DLG2: variants seen among roughly 807,000 people sequenced by gnomAD.
The protein encoded by DLG2 is discs large MAGUK scaffold protein 2.
Under a neutral mutation model 132.5 loss-of-function variants are expected in DLG2, and 45 were observed. The observed-to-expected ratio is 0.34, with a 90% CI of 0.27 to 0.44. The LOEUF (loss-of-function observed/expected upper bound fraction) is 0.44, where lower values mean the gene tolerates loss of function less well. Among genes scored for constraint, DLG2 ranks in the 20% least tolerant of loss-of-function variants. DLG2 has a pLI of 1.00. For missense variants in DLG2, 1,045 were observed against 1,196.9 expected (o/e 0.87, Z 1.87); for synonymous variants, 424 against 419.6 (o/e 1.01, Z -0.13).
chr11:83,993,048 T>C (rs12794134), intron 11 of DLG2, among the ~76,000 whole-genome samples: 3,369 of 152,262 alleles, frequency 0.022, 66 homozygotes, highest in Middle Eastern at 0.034. Flanking sequence ...CTAGGTTTTT[T>C]TCCTCCAGTA....
chr11:85,176,935 G>A (rs1313327347), intron 4 of DLG2, among the ~76,000 whole-genome samples: 2 of 151,898 alleles, frequency 1.3e-5, no homozygotes, highest in East Asian at 1.9e-4. Flanking sequence ...TCAGAATGGC[G>A]ATTATTAAAG....
chr11:85,276,806 G>T (rs1258925368), intron 4 of DLG2, among the ~76,000 whole-genome samples: 2 of 152,002 alleles, frequency 1.3e-5, no homozygotes, highest in African/African-American at 4.8e-5. Flanking sequence ...AATACTTACT[G>T]CCTAAAAAGC....
At chr11:84,895,405 A>C (rs2090056238) in intron 6 of DLG2, among the ~76,000 whole-genome samples, 1 of 152,178 alleles carries the variant, frequency 6.6e-6, no homozygotes, top group Non-Finnish European at 1.5e-5. Flanking sequence ...AAAGACCAAA[A>C]AGACCAACGC....
intron 7 of DLG2, among the ~76,000 whole-genome samples, chr11:84,517,224 G>A (rs1055300234): frequency 6.6e-6 from 1 of 151,310 alleles, no homozygotes; most frequent in African/African-American, 2.4e-5. Flanking sequence ...CTACATGAAT[G>A]AGAGAAAATA....
At chr11:84,115,330 G>A (rs959086299) in intron 9 of DLG2, among the ~76,000 whole-genome samples, 2 of 151,098 alleles carry the variant, frequency 1.3e-5, no homozygotes, top group Non-Finnish European at 3.0e-5. Flanking sequence ...TTTTCTGGAA[G>A]CAAGTGAGTT....
intron 6 of DLG2, among the ~76,000 whole-genome samples, chr11:84,654,426 T>A (rs1250027437): frequency 6.6e-6 from 1 of 152,178 alleles, no homozygotes; most frequent in African/African-American, 2.4e-5. Flanking sequence ...AGGGACTATT[T>A]TTCACCTGCT....
At chr11:83,812,788 G>A (rs181694028) in intron 17 of DLG2, among the ~76,000 whole-genome samples, 1 of 152,298 alleles carries the variant, frequency 6.6e-6, no homozygotes, top group East Asian at 1.9e-4. Context: ...AGAGTGTGAG[G>A]AGGGACCAGA....
intron 3 of DLG2, among the ~76,000 whole-genome samples, chr11:85,524,346 A>G: frequency 6.6e-6 from 1 of 152,196 alleles, no homozygotes. Context: ...GTATCAAAAT[A>G]TCTCACATAT....
chr11:85,305,763 T>C (rs545067076), intron 3 of DLG2, among the ~76,000 whole-genome samples: 19 of 152,336 alleles, frequency 1.2e-4, no homozygotes, highest in Admixed American at 3.3e-4. Context: ...TCCGCCCGCC[T>C]CGGCTTCCCA....
rs1313075881 is a variant in DLG2, at chr11:83,753,837, T to TATC, written c.1825+32852_1825+32853insGAT. Reference sequence around the variant, plus strand: ...ATATATATATTTCATATATATATGATATATATCATATATATCATATATATA... The same window carrying TATC: ...ATATATATATTTCATATATATATGATATCATATATCATATATATCATATATATA... On this transcript the variant is annotated intron_variant, in intron 18 of 27. Transcript: ENST00000376104. Among the ~76,000 whole-genome samples, 39 of 11,076 alleles carry TATC rather than the reference T, an allele frequency of 3.5e-3. 1 individual carries two copies. Among genetic ancestry groups the TATC allele is most frequent in the African/African-American group, 0.015 (38 of 2,596 alleles). 7.3% of individuals were successfully genotyped at this position (11,076 alleles called of 152,430 possible).
At chr11:83,656,895 AC>A (rs1042270509) in intron 18 of DLG2, among the ~76,000 whole-genome samples, 6 of 151,648 alleles carry the variant, frequency 4.0e-5, no homozygotes, top group African/African-American at 1.5e-4. Context: ...GCTTCCCTCC[AC>A]CCCCACCAAG....
chr11:83,480,162 T>TAC (rs1363419911), intron 22 of DLG2, among the ~76,000 whole-genome samples: 1 of 152,088 alleles, frequency 6.6e-6, no homozygotes, highest in African/African-American at 2.4e-5. Flanking sequence ...GCAAGACCAC[T>TAC]ACTACTTGCA....
chr11:84,824,875 C>A (rs891933455), intron 6 of DLG2, among the ~76,000 whole-genome samples: 1 of 151,840 alleles, frequency 6.6e-6, no homozygotes, highest in African/African-American at 2.4e-5. Context: ...GTGGCCTCCC[C>A]CTCAGCCACA....
chr11:84,691,663 T>A (rs2153725715), intron 6 of DLG2, among the ~76,000 whole-genome samples: 2 of 151,804 alleles, frequency 1.3e-5, no homozygotes, highest in African/African-American at 4.8e-5. Context: ...TAGCTTTTTT[T>A]TTTCTGGCTC....
chr11:83,537,824 AAAAAAAAAAAAG>A lies in DLG2; in HGVS notation c.2117+3846_2117+3857del, dbSNP rs1346002562. Among the ~76,000 whole-genome samples the A allele has an allele frequency of 2.4e-4, 34 of 144,018 alleles. 1 individual carries two copies. Among genetic ancestry groups the A allele is most frequent in the African/African-American group, 8.0e-4 (30 of 37,412 alleles). 94.5% of individuals were successfully genotyped at this position (144,018 alleles called of 152,430 possible). A position where few individuals can be genotyped will look rare whatever the true frequency, so the allele number is the denominator to read the frequency against. ...CTCTGTCTCAAAAAAAAAAAAAAAA[AAAAAAAAAAAAG>A]AGAGAGAGAGATACCATGGAACAAA... On this transcript the variant is annotated intron_variant, in intron 20 of 27. Transcript: ENST00000376104.
intron 3 of DLG2, among the ~76,000 whole-genome samples, chr11:85,356,825 T>TAGAG (rs929620012): frequency 7.9e-6 from 1 of 125,872 alleles, no homozygotes; most frequent in Non-Finnish European, 1.7e-5. Context: ...GATAGATAGA[T>TAGAG]AGAGATGATA....
intron 8 of DLG2, among the ~76,000 whole-genome samples, chr11:84,237,590 A>G (rs1344680863): frequency 3.3e-5 from 5 of 152,218 alleles, no homozygotes; most frequent in Non-Finnish European, 7.3e-5. Flanking sequence ...ATGCATTTCC[A>G]TTAATGCTGT....
intron 16 of DLG2, among the ~76,000 whole-genome samples, chr11:83,850,162 T>TGTGTGTGTGTGTGTGTGTGTGTG (rs59045992): frequency 1.3e-4 from 15 of 115,512 alleles, no homozygotes; most frequent in Non-Finnish European, 2.4e-4. Flanking sequence ...GTGTGTGTGT[T>TGTGTGTGTGTGTGTGTGTGTGTG]TTTTTACTTG....
intron 6 of DLG2, among the ~76,000 whole-genome samples, chr11:85,084,723 A>G (rs575419561): frequency 6.6e-6 from 1 of 152,276 alleles, no homozygotes; most frequent in East Asian, 1.9e-4. Context: ...CAATAGATAG[A>G]CATAACCTAC....
Sources: allele counts gnomAD v4.1 joint callset (sites outside exome capture counted in the v4.1 genomes callset), GRCh38; gene constraint gnomAD v4.1.1; transcripts MANE v1.5; gene names NCBI Gene and HGNC (gene_info 2026-07-23, HGNC 2026-07-21).